The following AIDA variants were observed in gnomAD, a reference collection of about 807,000 sequenced individuals.
AIDA encodes axin interactor, dorsalization associated.
AIDA carries 18 observed loss-of-function variants against 42.7 expected under a neutral mutation model. That is an observed-to-expected ratio of 0.42 (90% CI 0.29 to 0.63). The LOEUF (loss-of-function observed/expected upper bound fraction) is 0.63, where lower values mean the gene tolerates loss of function less well. Ranked by LOEUF, AIDA falls within the 20% of genes least tolerant of loss-of-function variation. The pLI, the probability that AIDA is intolerant of heterozygous loss-of-function variation, is 0.19. For missense variants in AIDA, 250 were observed against 354.1 expected (o/e 0.71, Z 2.36); for synonymous variants, 104 against 122.9 (o/e 0.85, Z 1.02).
At chr1:222,709,368 T>C (rs1189648277) in intron 1 of AIDA, among the ~76,000 whole-genome samples, 1 of 152,056 alleles carries the variant, frequency 6.6e-6, no homozygotes, top group Non-Finnish European at 1.5e-5. Context: ...GAGGCACAGG[T>C]TGCAGTGAGC....
intron 2 of AIDA, among the ~76,000 whole-genome samples, chr1:222,696,286 T>A (rs1460698948): frequency 6.6e-6 from 1 of 152,210 alleles, no homozygotes; most frequent in African/African-American, 2.4e-5. Context: ...TCCAATATCC[T>A]CAAATTATTG....
At chr1:222,706,137 C>T (rs193060476) in intron 1 of AIDA, among the ~76,000 whole-genome samples, 1 of 152,250 alleles carries the variant, frequency 6.6e-6, no homozygotes, top group African/African-American at 2.4e-5. Context: ...ATGTATTATA[C>T]ACCCGCTAGA....
chr1:222,709,772 T>C (rs186672812), intron 1 of AIDA, among the ~76,000 whole-genome samples: 475 of 152,348 alleles, frequency 3.1e-3, no homozygotes, highest in Non-Finnish European at 4.7e-3. Flanking sequence ...CTTCCGTAAT[T>C]GCAACACCCA....
At chr1:222,691,938 G>A (rs1485943393) in intron 4 of AIDA, among the ~76,000 whole-genome samples, 1 of 152,102 alleles carries the variant, frequency 6.6e-6, no homozygotes, top group African/African-American at 2.4e-5. Context: ...GTTTTGAAAA[G>A]GAAATGTTTG....
At chr1:222,671,760 C>T (rs927769442) in intron 8 of AIDA, among the ~76,000 whole-genome samples, 1 of 152,168 alleles carries the variant, frequency 6.6e-6, no homozygotes, top group Non-Finnish European at 1.5e-5. Context: ...CAAATGGTGG[C>T]TTCTCTTCTC....
Position 222,709,347 on chromosome 1 carries a change from CT to C in AIDA, c.110+2860del, listed in dbSNP as rs369943760. 5.1e-3 allele frequency among the ~76,000 whole-genome samples: 772 copies of C among 152,242 alleles called. 6 individuals carry two copies. The highest frequency in any genetic ancestry group is 0.018 in the African/African-American group (733 of 41,540). ...TCAGGAGGCTGAGGCAGGAGAATTG[CT>C]TGAACCCGGGAGGCACAGGTTGCAG... On this transcript the variant is annotated intron_variant, in intron 1 of 9. Coordinates refer to ENST00000340020, the MANE Select transcript of AIDA (RefSeq NM_022831.4).
At chr1:222,688,714 C>A (rs1162690173) in intron 4 of AIDA, among the ~76,000 whole-genome samples, 2 of 152,070 alleles carry the variant, frequency 1.3e-5, no homozygotes, top group African/African-American at 4.8e-5. Flanking sequence ...ATTCTCCTGC[C>A]TCAGCTTCCC....
chr1:222,690,683 T>C (rs953333169), intron 4 of AIDA, among the ~76,000 whole-genome samples: 1 of 26,432 alleles, frequency 3.8e-5, no homozygotes, highest in African/African-American at 2.8e-4. Context: ...TTTATATGTA[T>C]ATAATCTTAT....
intron 6 of AIDA, among the ~76,000 whole-genome samples, chr1:222,679,801 A>G (rs1664621232): frequency 1.3e-5 from 2 of 152,164 alleles, no homozygotes; most frequent in African/African-American, 4.8e-5. Flanking sequence ...TCACATAATC[A>G]CATCTGCAAA....
Position 222,673,418 on chromosome 1 carries a change from A to G in AIDA, c.601T>C (p.Leu201=). 6.3e-7 allele frequency: 1 copy of G among 1,596,820 alleles called. No homozygotes were observed. Among genetic ancestry groups the G allele is most frequent in the Non-Finnish European group, 8.5e-7 (1 of 1,171,464 alleles). The change falls in exon 8 of 10, where the codon TTA becomes CTA. Residue 201 remains leucine (L), a synonymous_variant. Transcript: ENST00000340020. ...ACAGGAGTATCTTGCACAGGAGTTA[A>G]GTCTATGCCATTCAGATCTAAAGAG... is the stretch of plus-strand genomic sequence containing the variant. The part of the protein sequence containing the change: ...VSVKDLNGID[L]TPVQDTPVAS...
Position 222,687,651 on chromosome 1 carries a change from CT to C in AIDA, c.296del (p.Lys99ArgfsTer19). On this transcript the variant is annotated frameshift_variant, in exon 5 of 10. Transcript: ENST00000340020. LOFTEE classifies it high-confidence loss of function. Reference protein sequence around the residue: ...EDLKKLEPILKNILTYNKEFP... With the variant: ...EDLKKLEPILXNILTYNKEFP... Reference sequence around the variant, plus strand: ...ATTCTTTATTATATGTAAGAATATTCTTTAGGACTAGAATAAGAAGATAAAG... The same window carrying C: ...ATTCTTTATTATATGTAAGAATATTCTTAGGACTAGAATAAGAAGATAAAG... 6.7e-7 allele frequency: 1 copy of C among 1,484,224 alleles called. No individual in the cohort carries two copies. The highest frequency in any genetic ancestry group is 9.1e-7 in the Non-Finnish European group (1 of 1,093,860). The allele number at this position is 1,484,224 out of a possible 1,614,324, so 91.9% of individuals were successfully genotyped here. A position where few individuals can be genotyped will look rare whatever the true frequency, so the allele number is the denominator to read the frequency against.
rs1655262525 is a variant in AIDA, at chr1:222,688,570, AG to A, written c.290-913del. 5.9e-5 allele frequency among the ~76,000 whole-genome samples: 9 copies of A among 151,876 alleles called. No individual in the cohort carries two copies. In the South Asian group the frequency reaches 1.9e-3, roughly 32 times the overall value. On this transcript the variant is annotated intron_variant, in intron 4 of 9. Transcript: ENST00000340020. ...ACTACATTTTTTGTCATTATTTTAGAGTGTACTTCTTCTACTTACTAAAAAA... is the reference window on the plus strand; with the variant it reads ...ACTACATTTTTTGTCATTATTTTAGATGTACTTCTTCTACTTACTAAAAAA...
intron 1 of AIDA, among the ~76,000 whole-genome samples, chr1:222,707,239 CCT>C (rs1157883575): frequency 6.6e-6 from 1 of 151,968 alleles, no homozygotes; most frequent in African/African-American, 2.4e-5. Flanking sequence ...CTCACTGCAA[CCT>C]CTGTCTCCGG....
chr1:222,686,808 C>T, intron 6 of AIDA, 122 bp downstream of exon 6: 1 of 1,240,736 alleles, frequency 8.1e-7, no homozygotes, highest in Non-Finnish European at 1.1e-6. Flanking sequence ...TAAAATTTGC[C>T]TAAGATTGGC....
chr1:222,708,578 CG>C (rs1655906756), intron 1 of AIDA, among the ~76,000 whole-genome samples: 1 of 151,862 alleles, frequency 6.6e-6, no homozygotes, highest in Non-Finnish European at 1.5e-5. Context: ...TCATGTTGGC[CG>C]GGATGGTCTT....
chr1:222,690,795 A>T (rs1655349475), intron 4 of AIDA, among the ~76,000 whole-genome samples: 1 of 151,816 alleles, frequency 6.6e-6, no homozygotes, highest in South Asian at 2.1e-4. Context: ...TCTATACCAA[A>T]CCCTCCTGTG....
At chr1:222,698,211 T>A (rs1315517190) in intron 2 of AIDA, among the ~76,000 whole-genome samples, 1 of 152,180 alleles carries the variant, frequency 6.6e-6, no homozygotes, top group Non-Finnish European at 1.5e-5. Flanking sequence ...TCGCTGAGAA[T>A]ATTAAGAATT....
chr1:222,673,030 TC>T (rs1405773688), intron 8 of AIDA, among the ~76,000 whole-genome samples: 1 of 152,230 alleles, frequency 6.6e-6, no homozygotes, highest in Non-Finnish European at 1.5e-5. Flanking sequence ...CACTCCTGCT[TC>T]TCCCAGCCCT....
intron 2 of AIDA, among the ~76,000 whole-genome samples, chr1:222,698,740 C>T (rs569882581): frequency 1.7e-4 from 26 of 152,266 alleles, no homozygotes; most frequent in Admixed American, 5.9e-4. Context: ...CATGAGCCAC[C>T]ACGCCTGGCC....
Sources: gnomAD v4.1 joint callset for allele counts (sites outside exome capture counted in the v4.1 genomes callset) on GRCh38, gnomAD v4.1.1 for gene constraint, MANE v1.5 for transcripts, NCBI Gene and HGNC (gene_info 2026-07-23, HGNC 2026-07-21) for gene names.